UBR1: variants seen among roughly 807,000 people sequenced by gnomAD.
UBR1 encodes E3 ubiquitin-protein ligase UBR1.
A neutral mutation model predicts 242.1 loss-of-function variants in UBR1; 102 were observed. That is an observed-to-expected ratio of 0.42 (90% CI 0.36 to 0.50). The LOEUF (loss-of-function observed/expected upper bound fraction) is 0.50. UBR1 is among the 20% of genes least tolerant of loss of function. UBR1 has a pLI of 0.01. For missense variants in UBR1, 1,772 were observed against 2,101.8 expected, an observed-to-expected ratio of 0.84 and a Z score of 3.07; for synonymous variants, 675 against 684.8, an observed-to-expected ratio of 0.99 and a Z score of 0.22.
intron 3 of UBR1, among the ~76,000 whole-genome samples, chr15:43,076,930 G>A (rs1179663087): frequency 2.0e-5 from 2 of 102,218 alleles, no homozygotes; most frequent in African/African-American, 7.0e-5. Flanking sequence ...CCGGCCAGCC[G>A]CCCTATCCAG....
At chr15:43,013,566 AAAT>A (rs1318605343) in intron 29 of UBR1, among the ~76,000 whole-genome samples, 22 of 152,238 alleles carry the variant, frequency 1.4e-4, no homozygotes, top group African/African-American at 5.1e-4. Context: ...TTTTTATTAG[AAAT>A]AATAATGTGA....
chr15:42,972,411 C>A (rs1461714957), intron 39 of UBR1, among the ~76,000 whole-genome samples: 1 of 152,104 alleles, frequency 6.6e-6, no homozygotes, highest in Non-Finnish European at 1.5e-5. Context: ...CTCTGTCACA[C>A]AGACTGGAGT....
chr15:43,092,841 C>T (rs566355077), intron 1 of UBR1, among the ~76,000 whole-genome samples: 10 of 152,222 alleles, frequency 6.6e-5, no homozygotes, highest in South Asian at 6.2e-4. Flanking sequence ...CGTGAGCCAC[C>T]GCGCCCAGCC....
chr15:43,028,037 G>A (rs2033199717), intron 21 of UBR1, among the ~76,000 whole-genome samples: 2 of 152,244 alleles, frequency 1.3e-5, no homozygotes, highest in South Asian at 4.1e-4. Flanking sequence ...TATATAAACT[G>A]TTTAAGAAAG....
At chr15:43,034,157 G>C (rs1051703058) in intron 19 of UBR1, among the ~76,000 whole-genome samples, 3 of 151,936 alleles carry the variant, frequency 2.0e-5, no homozygotes, top group African/African-American at 7.3e-5. Context: ...AGAATGGCTT[G>C]AACCCAGGAG....
chr15:43,015,525 T>C, intron 29 of UBR1, 163 bp downstream of exon 29: 1 of 733,178 alleles, frequency 1.4e-6, no homozygotes. Context: ...CAGGGTCCTC[T>C]GCCTAGGAAA....
At chr15:43,028,985 T>C (rs1364110757) in intron 21 of UBR1, among the ~76,000 whole-genome samples, 1 of 151,916 alleles carries the variant, frequency 6.6e-6, no homozygotes, top group Non-Finnish European at 1.5e-5. Flanking sequence ...CTCGGGAGGC[T>C]GAGGAAAGAG....
At chr15:42,975,116 G>A (rs1034452740) in intron 39 of UBR1, among the ~76,000 whole-genome samples, 3 of 151,930 alleles carry the variant, frequency 2.0e-5, no homozygotes, top group East Asian at 3.9e-4. Context: ...GGCTGGTCTC[G>A]AACTCCTGAC....
Position 42,950,363 on chromosome 15 carries a change from T to G in UBR1, c.5007A>C (p.Lys1669Asn), listed in dbSNP as rs113020762. 15 of 1,613,252 alleles carry G rather than the reference T, an allele frequency of 9.3e-6. No homozygotes were observed. The highest frequency in any genetic ancestry group is 1.3e-5 in the Non-Finnish European group (15 of 1,179,300). The change falls in exon 46 of 47, where the codon AAA becomes AAC. Residue 1669 changes from lysine (K) to asparagine (N), a missense_variant and splice_region_variant. By Grantham distance (94) the Lys-to-Asn change is moderately conservative (BLOSUM62 0). Coordinates refer to ENST00000290650, the MANE Select transcript of UBR1 (RefSeq NM_174916.3). ...CCAGGACCACTCGGCATTCTCTGAT[T>G]CTGAAAGAGAAAATCAATAGGAAAT... is the stretch of plus-strand genomic sequence containing the variant. ...HCGAGVCIFL[K>N]IRECRVVLVE...
At chr15:42,994,408 T>G (rs1462492629) in intron 33 of UBR1, among the ~76,000 whole-genome samples, 8 of 106,214 alleles carry the variant, frequency 7.5e-5, no homozygotes, top group African/African-American at 2.8e-4. Flanking sequence ...AAAAAAAAAA[T>G]CCGTGGGCAT....
chr15:43,085,920 CAA>C (rs77056940), intron 2 of UBR1, 62 bp downstream of exon 2: 46,280 of 1,158,820 alleles, frequency 0.04, no homozygotes, highest in Admixed American at 0.049. Flanking sequence ...GACTCTGTTT[CAA>C]AAAAAAAAAA....
chr15:43,018,228 C>A (rs1310101001), intron 27 of UBR1, among the ~76,000 whole-genome samples: 1 of 152,094 alleles, frequency 6.6e-6, no homozygotes, highest in South Asian at 2.1e-4. Flanking sequence ...GTCTCGATCT[C>A]CTGACCTCAT....
At chr15:43,096,564 A>G (rs193232322) in intron 1 of UBR1, among the ~76,000 whole-genome samples, 268 of 152,338 alleles carry the variant, frequency 1.8e-3, no homozygotes, top group Non-Finnish European at 3.4e-3. Context: ...CCAATGGCAG[A>G]ACTTCTTTCA....
At chr15:43,085,155 AT>A (rs1453642887) in intron 2 of UBR1, among the ~76,000 whole-genome samples, 3 of 152,210 alleles carry the variant, frequency 2.0e-5, no homozygotes, top group Non-Finnish European at 4.4e-5. Flanking sequence ...AGGTTTTGGG[AT>A]TGTAGGTTTG....
At chr15:43,043,510 C>T in intron 14 of UBR1, 115 bp from the exon 15 acceptor site, 1 of 908,606 alleles carries the variant, frequency 1.1e-6, no homozygotes, top group South Asian at 1.4e-5. Flanking sequence ...GGCATAATCA[C>T]AGCTCACTGC....
chr15:42,956,518 G>A (rs2031924410), intron 44 of UBR1, among the ~76,000 whole-genome samples: 1 of 152,282 alleles, frequency 6.6e-6, no homozygotes, highest in East Asian at 1.9e-4. Context: ...CAGAGGCGGA[G>A]TTTCACCATG....
At chr15:43,065,787 T>C (rs1039062227) in intron 6 of UBR1, among the ~76,000 whole-genome samples, 2 of 152,198 alleles carry the variant, frequency 1.3e-5, no homozygotes, top group Non-Finnish European at 2.9e-5. Flanking sequence ...AAGTGTCTGT[T>C]CATGTCTTTT....
At chr15:42,992,902 C>A (rs1277374859) in intron 33 of UBR1, among the ~76,000 whole-genome samples, 1 of 152,228 alleles carries the variant, frequency 6.6e-6, no homozygotes, top group Admixed American at 6.5e-5. Context: ...TAACCTTGTA[C>A]TCTTTGGAAC....
At chr15:43,020,519 C>G (rs1423027651) in intron 27 of UBR1, among the ~76,000 whole-genome samples, 1 of 152,170 alleles carries the variant, frequency 6.6e-6, no homozygotes, top group Non-Finnish European at 1.5e-5. Flanking sequence ...TAACAGTTTC[C>G]TTACTTGTAT....
Sources: allele counts gnomAD v4.1 joint callset (sites outside exome capture counted in the v4.1 genomes callset), GRCh38; gene constraint gnomAD v4.1.1; transcripts MANE v1.5; gene names NCBI Gene and HGNC (gene_info 2026-07-23, HGNC 2026-07-21).